The following NUMA1 variants were observed in gnomAD, a reference collection of about 807,000 sequenced individuals.
NUMA1 encodes the protein SP-H antigen.
A neutral mutation model predicts 237.1 loss-of-function variants in NUMA1; 62 were observed. That is an observed-to-expected ratio of 0.26 (90% CI 0.21 to 0.32). NUMA1 has a LOEUF of 0.32. Among genes scored for constraint, NUMA1 ranks in the 10% least tolerant of loss-of-function variants. The pLI is 1.00. For synonymous variants in NUMA1, 1,028 were observed against 1,066.1 expected, an observed-to-expected ratio of 0.96 and a Z score of 0.70; for missense variants, 2,533 against 2,666.5, an observed-to-expected ratio of 0.95 and a Z score of 1.10.
At chr11:72,058,916 T>C (rs1942806024) in intron 2 of NUMA1, among the ~76,000 whole-genome samples, 1 of 152,120 alleles carries the variant, frequency 6.6e-6, no homozygotes, top group South Asian at 2.1e-4. Context: ...TCCTGGCAAG[T>C]GCAGACAGGC....
Position 72,004,060 on chromosome 11 carries a change from T to C in NUMA1, c.6163A>G (p.Thr2055Ala). 2 of 1,613,330 alleles carry C rather than the reference T, an allele frequency of 1.2e-6. No individual in the cohort carries two copies. The highest frequency in any genetic ancestry group is 8.5e-7 in the Non-Finnish European group (1 of 1,179,702). ...RQSMAFSILN[T>A]PKKLGNSLLR... ...AGGCTGTTCCCTAGCTTCTTGGGTG[T>C]GTTGAGGATGCTGAAGGCCATCGAC... The change falls in exon 26 of 27, where the codon ACA becomes GCA. Residue 2055 changes from threonine to alanine, a missense_variant. Coordinates refer to ENST00000393695, the MANE Select transcript of NUMA1 (RefSeq NM_006185.4).
At chr11:72,080,065 T>C (rs530829916) in intron 1 of NUMA1, among the ~76,000 whole-genome samples, 3 of 152,272 alleles carry the variant, frequency 2.0e-5, no homozygotes, top group South Asian at 4.1e-4. Flanking sequence ...TGGCAGGTCA[T>C]TGTGGACGGT....
chr11:72,062,100 G>T (rs181098541), intron 2 of NUMA1, among the ~76,000 whole-genome samples: 1 of 152,258 alleles, frequency 6.6e-6, no homozygotes, highest in East Asian at 1.9e-4. Flanking sequence ...CCCTTCTGAA[G>T]ATCCTGGCCA....
intron 2 of NUMA1, among the ~76,000 whole-genome samples, chr11:72,056,662 G>GAAAAAAAAAAAAA (rs1942671179): frequency 2.0e-5 from 1 of 51,026 alleles, no homozygotes; most frequent in Non-Finnish European, 4.5e-5. Context: ...AAAAAAAAAG[G>GAAAAAAAAAAAAA]CAAGCCAAAC....
intron 4 of NUMA1, among the ~76,000 whole-genome samples, chr11:72,028,706 T>C (rs1939903656): frequency 6.6e-6 from 1 of 152,216 alleles, no homozygotes; most frequent in African/African-American, 2.4e-5. Flanking sequence ...GTGTACTTAT[T>C]TTATAATGGC....
At position 72,024,352 on chromosome 11, in the gene NUMA1, G is replaced by A. The variant is rs920236315; in HGVS notation, c.130C>T (p.His44Tyr). The change falls in exon 5 of 27, where the codon CAT becomes TAT. Residue 44 changes from histidine to tyrosine, a missense_variant and splice_region_variant. Coordinates refer to ENST00000393695, the MANE Select transcript of NUMA1 (RefSeq NM_006185.4). ...SIFIKIIDRI[H>Y]GTEEGQQILK... ...ATTTGCTGTCCCTCTTCAGTGCCAT[G>A]GCTAGAAAAAGAGCAAGTATTAGGA... 6.2e-7 allele frequency: 1 copy of A among 1,614,010 alleles called. No individual in the cohort carries two copies. Among genetic ancestry groups the A allele is most frequent in the South Asian group, 1.1e-5 (1 of 91,086 alleles).
At chr11:72,017,999 T>A in intron 12 of NUMA1, 172 bp from the exon 13 acceptor site, 1 of 1,001,740 alleles carries the variant, frequency 1.0e-6, no homozygotes, top group Non-Finnish European at 1.5e-6. Context: ...ACATTTAGGG[T>A]CACAGCCCAG....
Position 72,014,525 on chromosome 11 carries a change from C to G in NUMA1, c.2978G>C (p.Gly993Ala). 6.2e-7 allele frequency: 1 copy of G among 1,602,006 alleles called. No individual in the cohort carries two copies. The highest frequency in any genetic ancestry group is 8.5e-7 in the Non-Finnish European group (1 of 1,179,888). The change falls in exon 15 of 27, where the codon GGG (glycine) becomes GCG (alanine). Residue 993 changes from glycine (G) to alanine (A), a missense_variant. Physicochemically the swap from Gly to Ala is moderately conservative, Grantham distance 60. Transcript: ENST00000393695. The surrounding 1 kb of genome is among the most constrained non-coding windows in gnomAD (Gnocchi z 4.6). Reference sequence around the variant, plus strand: ...CTGCCCACGCTCCTCCTGCTGCTGCCCCTGGCTCTCCATCAGCGCGGCCCG... The same window carrying G: ...CTGCCCACGCTCCTCCTGCTGCTGCGCCTGGCTCTCCATCAGCGCGGCCCG... Reference protein sequence around the residue: ...RLRAALMESQGQQQEERGQQE... With the variant: ...RLRAALMESQAQQQEERGQQE...
chr11:72,040,141 C>T (rs1591015201), intron 2 of NUMA1, among the ~76,000 whole-genome samples: 1 of 152,116 alleles, frequency 6.6e-6, no homozygotes, highest in Non-Finnish European at 1.5e-5. Context: ...TTCCTGAGGT[C>T]GGGGCAAACC....
intron 8 of NUMA1, 104 bp from the exon 9 acceptor site, chr11:72,019,721 C>T (rs1444381708): frequency 1.6e-6 from 2 of 1,242,742 alleles, no homozygotes; most frequent in Non-Finnish European, 2.2e-6. Context: ...GGGAGTATAT[C>T]CATGGATACT....
At chr11:72,047,211 C>T (rs1434321923) in intron 2 of NUMA1, among the ~76,000 whole-genome samples, 5 of 151,900 alleles carry the variant, frequency 3.3e-5, no homozygotes, top group African/African-American at 9.7e-5. Flanking sequence ...GGCTCATGCC[C>T]GTAATCCCAG....
chr11:72,018,471 G>A lies in NUMA1; in HGVS notation c.785C>T (p.Ala262Val), dbSNP rs147509804. The A allele has an allele frequency of 1.9e-4, 308 of 1,614,176 alleles. No homozygotes were observed. The African/African-American group carries it at 3.7e-3, about 19-fold the overall frequency. The change falls in exon 11 of 27, where the codon GCC (alanine) becomes GTC (valine). Residue 262 changes from alanine to valine, a missense_variant. Transcript: ENST00000393695. Reference sequence around the variant, plus strand: ...GGCCGCCTGCTTCTCATTCAGCAGGGCTAGGCGGTCAATGCGCTGCTGCAT... The same window carrying A: ...GGCCGCCTGCTTCTCATTCAGCAGGACTAGGCGGTCAATGCGCTGCTGCAT... ...AMMQQRIDRLALLNEKQAASP... is the reference protein window; with the variant it reads ...AMMQQRIDRLVLLNEKQAASP...
intron 1 of NUMA1, among the ~76,000 whole-genome samples, chr11:72,072,920 T>C (rs1024723832): frequency 2.6e-5 from 4 of 151,804 alleles, no homozygotes; most frequent in Non-Finnish European, 5.9e-5. Flanking sequence ...CGGGTGCCTG[T>C]AGTCCCAGCT....
At chr11:72,044,854 G>C (rs778267054) in intron 2 of NUMA1, among the ~76,000 whole-genome samples, 7 of 151,938 alleles carry the variant, frequency 4.6e-5, no homozygotes, top group Non-Finnish European at 8.8e-5. Flanking sequence ...TTTTAGTAGA[G>C]ACAGGGTTTG....
chr11:72,019,851 T>C (rs147928653), intron 8 of NUMA1, among the ~76,000 whole-genome samples: 51 of 152,320 alleles, frequency 3.3e-4, no homozygotes, highest in African/African-American at 1.2e-3. Flanking sequence ...CAGAGCATCA[T>C]TACTCAGAGC....
In NUMA1 at chr11:72,035,974, G is replaced by T; in HGVS notation, c.-31C>A. ...TGATGCCAGACAGTCACTCCAATGCGCCTGGAACCCAAGAGAGGAAGAAAA... is the reference window on the plus strand; with the variant it reads ...TGATGCCAGACAGTCACTCCAATGCTCCTGGAACCCAAGAGAGGAAGAAAA... On this transcript the variant is annotated splice_region_variant and 5_prime_UTR_variant, in exon 3 of 27. Coordinates refer to ENST00000393695, the MANE Select transcript of NUMA1 (RefSeq NM_006185.4). 2 of 1,610,946 alleles carry T rather than the reference G, an allele frequency of 1.2e-6. No individual in the cohort carries two copies.
At chr11:72,075,651 T>C (rs1943671551) in intron 1 of NUMA1, among the ~76,000 whole-genome samples, 1 of 152,232 alleles carries the variant, frequency 6.6e-6, no homozygotes, top group African/African-American at 2.4e-5. Context: ...TATGCAGTTA[T>C]TATATTGAAG....
intron 20 of NUMA1, chr11:72,008,279 T>G (rs1955884735): frequency 2.7e-6 from 1 of 374,604 alleles, no homozygotes; most frequent in African/African-American, 2.1e-5. Flanking sequence ...TCTTCCAAGG[T>G]TCCTTTTTTT....
In NUMA1 at chr11:72,003,130, C is replaced by T; in HGVS notation, c.*397G>A. 3.6e-6 allele frequency: 1 copy of T among 274,908 alleles called. No individual in the cohort carries two copies. The highest frequency in any genetic ancestry group is 7.0e-6 in the Non-Finnish European group (1 of 143,368). The allele number at this position is 274,908 out of a possible 1,614,324, so 17.0% of individuals were successfully genotyped here. On this transcript the variant is annotated 3_prime_UTR_variant, in exon 27 of 27. Coordinates refer to ENST00000393695, the MANE Select transcript of NUMA1 (RefSeq NM_006185.4). Reference sequence around the variant, plus strand: ...CAAGAGTGAGGGCCCCTGCTGGGCCCAGCCACCAGGACAGCAGGAACCAGG... The same window carrying T: ...CAAGAGTGAGGGCCCCTGCTGGGCCTAGCCACCAGGACAGCAGGAACCAGG...
Sources: allele counts gnomAD v4.1 joint callset (sites outside exome capture counted in the v4.1 genomes callset), GRCh38; gene constraint gnomAD v4.1.1; non-coding constraint Gnocchi (gnomAD v3.1); transcripts MANE v1.5; gene names NCBI Gene and HGNC (gene_info 2026-07-23, HGNC 2026-07-21).